SLC24A2: variants seen among roughly 807,000 people sequenced by gnomAD.
SLC24A2 encodes the protein solute carrier family 24 member 2.
In SLC24A2, 36 loss-of-function variants were observed where a neutral mutation model predicts 62.0. The observed-to-expected ratio is 0.58, with a 90% CI of 0.44 to 0.77. SLC24A2 has a LOEUF of 0.77. Ranked by LOEUF, SLC24A2 falls within the 30% of genes least tolerant of loss-of-function variation. SLC24A2 has a pLI of 0.00. For missense variants in SLC24A2, 846 were observed against 817.9 expected, an observed-to-expected ratio of 1.03 and a Z score of -0.42; for synonymous variants, 358 against 294.0, an observed-to-expected ratio of 1.22 and a Z score of -2.23.
At chr9:19,731,879 C>G (rs1191882677) in intron 2 of SLC24A2, among the ~76,000 whole-genome samples, 1 of 152,182 alleles carries the variant, frequency 6.6e-6, no homozygotes, top group Admixed American at 6.5e-5. Context: ...TCTCACTTTG[C>G]CTGGCAGCGT....
chr9:19,746,076 A>G (rs1821823327), intron 2 of SLC24A2, among the ~76,000 whole-genome samples: 1 of 151,696 alleles, frequency 6.6e-6, no homozygotes, highest in East Asian at 1.9e-4. Context: ...GACATCATGC[A>G]TTTCCCTCCT....
intron 2 of SLC24A2, among the ~76,000 whole-genome samples, chr9:19,766,460 G>C (rs2118874693): frequency 6.6e-6 from 1 of 152,238 alleles, no homozygotes; most frequent in East Asian, 1.9e-4. Flanking sequence ...CTTTGCTGTT[G>C]GTGACCTTCA....
the SLC24A2 span, among the ~76,000 whole-genome samples, chr9:20,003,894 A>G: frequency 2.6e-5 from 4 of 151,922 alleles, no homozygotes; most frequent in East Asian, 1.9e-4. Flanking sequence ...GTTTAACGAA[A>G]AAAAAAAAAA....
the SLC24A2 span, among the ~76,000 whole-genome samples, chr9:20,085,879 T>G: frequency 2.0e-5 from 3 of 152,358 alleles, no homozygotes; most frequent in Non-Finnish European, 4.4e-5. Flanking sequence ...GTGTTTTTAC[T>G]GCTTTCCCTT....
intron 2 of SLC24A2, among the ~76,000 whole-genome samples, chr9:19,699,496 T>A (rs1820294297): frequency 6.6e-6 from 1 of 152,224 alleles, no homozygotes; most frequent in African/African-American, 2.4e-5. Flanking sequence ...ACGGTTACAT[T>A]CATGCAATAT....
chr9:19,904,805 A>T, the SLC24A2 span, among the ~76,000 whole-genome samples: 1 of 152,146 alleles, frequency 6.6e-6, no homozygotes, highest in East Asian at 1.9e-4. Context: ...ACAGTAGGAG[A>T]TGCAGCTTAA....
In SLC24A2 at chr9:19,508,861, T is replaced by C. The variant is rs1284660182; in HGVS notation, c.*7292A>G. On this transcript the variant is annotated 3_prime_UTR_variant, in exon 11 of 11. Transcript: ENST00000341998. ...ATTAAAGTTTTTAGTTGTGGGGACA[T>C]CTTTATATATGTGTGTGTAAACAGT... 1.3e-5 allele frequency: 2 copies of C among 152,150 alleles called. No homozygotes were observed. Among genetic ancestry groups the C allele is most frequent in the African/African-American group, 4.8e-5 (2 of 41,432 alleles). The allele number at this position is 152,150 out of a possible 1,614,324, so 9.4% of individuals were successfully genotyped here. A position where few individuals can be genotyped will look rare whatever the true frequency, so the allele number is the denominator to read the frequency against.
the SLC24A2 span, among the ~76,000 whole-genome samples, chr9:20,245,755 C>A: frequency 2.0e-5 from 3 of 152,132 alleles, no homozygotes; most frequent in African/African-American, 7.2e-5. Context: ...AACTTAACAA[C>A]AAAGTTTAAC....
intron 8 of SLC24A2, among the ~76,000 whole-genome samples, chr9:19,545,558 A>T (rs1834517909): frequency 6.6e-6 from 1 of 151,682 alleles, no homozygotes; most frequent in Admixed American, 6.6e-5. Flanking sequence ...CATCTTAGTG[A>T]ATTTATCTAC....
chr9:19,752,392 G>A (rs549326798), intron 2 of SLC24A2, among the ~76,000 whole-genome samples: 42 of 152,116 alleles, frequency 2.8e-4, no homozygotes, highest in African/African-American at 7.9e-4. Context: ...GGCAGAATCT[G>A]AATGAGAAAA....
chr9:19,918,152 G>GTC, the SLC24A2 span, among the ~76,000 whole-genome samples: 4 of 151,528 alleles, frequency 2.6e-5, no homozygotes, highest in Non-Finnish European at 5.9e-5. Context: ...GTGTGTGTGT[G>GTC]TGTGTGTGTG....
chr9:19,992,560 AC>A, the SLC24A2 span, among the ~76,000 whole-genome samples: 1 of 152,192 alleles, frequency 6.6e-6, no homozygotes, highest in African/African-American at 2.4e-5. Context: ...CTGATTAAAA[AC>A]ATCTGAGATA....
At position 19,516,082 on chromosome 9, in the gene SLC24A2, G is replaced by A. The variant is rs1202179734; in HGVS notation, c.*71C>T. The A allele has an allele frequency of 1.9e-6, 3 of 1,594,560 alleles. No individual in the cohort carries two copies. Among genetic ancestry groups the A allele is most frequent in the Non-Finnish European group, 2.6e-6 (3 of 1,163,124 alleles). On this transcript the variant is annotated 3_prime_UTR_variant, in exon 11 of 11. Coordinates refer to ENST00000341998, the MANE Select transcript of SLC24A2 (RefSeq NM_020344.4). ...GTGTGCCAGCTGCCTCTTCTCAAGAGGTCAAGGAGCCCAGAGCCCAGAGTG... is the reference window on the plus strand; with the variant it reads ...GTGTGCCAGCTGCCTCTTCTCAAGAAGTCAAGGAGCCCAGAGCCCAGAGTG...
chr9:19,908,791 C>T, the SLC24A2 span, among the ~76,000 whole-genome samples: 2 of 152,226 alleles, frequency 1.3e-5, no homozygotes, highest in African/African-American at 4.8e-5. Context: ...GATACCATCT[C>T]ATACCAGTTA....
chr9:19,617,543 A>G (rs1817800937), intron 4 of SLC24A2, among the ~76,000 whole-genome samples: 1 of 152,268 alleles, frequency 6.6e-6, no homozygotes, highest in Non-Finnish European at 1.5e-5. Context: ...AAGAAGAATG[A>G]CAACGTAAAT....
At chr9:20,156,488 C>T in the SLC24A2 span, among the ~76,000 whole-genome samples, 183 of 151,874 alleles carry the variant, frequency 1.2e-3, 2 homozygotes, top group South Asian at 0.021. Flanking sequence ...TCAGCCCCAC[C>T]TTCCTGCTGG....
the SLC24A2 span, among the ~76,000 whole-genome samples, chr9:20,093,635 G>T: frequency 4.8e-3 from 733 of 152,114 alleles, 4 homozygotes; most frequent in African/African-American, 0.016. Context: ...TTCCTTTGTA[G>T]AAAACTGTTG....
intron 8 of SLC24A2, among the ~76,000 whole-genome samples, chr9:19,545,570 G>A (rs182263654): frequency 1.3e-4 from 19 of 151,984 alleles, no homozygotes; most frequent in East Asian, 3.9e-4. Context: ...TTTATCTACC[G>A]TCGGTCTTTG....
the SLC24A2 span, among the ~76,000 whole-genome samples, chr9:20,030,612 G>A: frequency 6.6e-6 from 1 of 152,148 alleles, no homozygotes; most frequent in Non-Finnish European, 1.5e-5. Flanking sequence ...CACCCTTTCT[G>A]GCTCCATGTC....
Sources: gnomAD v4.1 joint callset for allele counts (sites outside exome capture counted in the v4.1 genomes callset) on GRCh38, gnomAD v4.1.1 for gene constraint, MANE v1.5 for transcripts, NCBI Gene and HGNC (gene_info 2026-07-23, HGNC 2026-07-21) for gene names.